RIMS2: variants seen among roughly 807,000 people sequenced by gnomAD.
RIMS2 encodes regulating synaptic membrane exocytosis protein 2.
A neutral mutation model predicts 174.4 loss-of-function variants in RIMS2; 59 were observed. The observed-to-expected ratio is 0.34, with a 90% CI of 0.27 to 0.42. The LOEUF is 0.42. Ranked by LOEUF, RIMS2 falls within the 10% of genes least tolerant of loss-of-function variation. The pLI, the probability that RIMS2 is intolerant of heterozygous loss-of-function variation, is 1.00. For missense variants in RIMS2, 1,620 were observed against 1,666.3 expected, an observed-to-expected ratio of 0.97 and a Z score of 0.48; for synonymous variants, 606 against 572.5, an observed-to-expected ratio of 1.06 and a Z score of -0.84.
chr8:104,047,789 A>G (rs1032823863), intron 19 of RIMS2, among the ~76,000 whole-genome samples: 1 of 152,108 alleles, frequency 6.6e-6, no homozygotes. Flanking sequence ...GATAACTGAC[A>G]AGCAAATCTA....
intron 17 of RIMS2, among the ~76,000 whole-genome samples, chr8:104,003,080 T>C (rs2095448228): frequency 6.6e-6 from 1 of 152,170 alleles, no homozygotes; most frequent in Admixed American, 6.6e-5. Flanking sequence ...TTTTAACATT[T>C]ACCTTTGTAC....
intron 1 of RIMS2, among the ~76,000 whole-genome samples, chr8:103,581,192 A>C (rs1486611850): frequency 1.3e-5 from 2 of 152,134 alleles, no homozygotes; most frequent in Non-Finnish European, 2.9e-5. Context: ...AGGACACAAC[A>C]AAATAAGAAG....
chr8:103,593,192 T>A (rs2094338301), intron 1 of RIMS2, among the ~76,000 whole-genome samples: 1 of 151,460 alleles, frequency 6.6e-6, no homozygotes, highest in Admixed American at 6.6e-5. Context: ...CTACCATGAA[T>A]GTGACAGTAT....
At chr8:103,750,696 G>A (rs1182633181) in intron 2 of RIMS2, among the ~76,000 whole-genome samples, 3 of 152,070 alleles carry the variant, frequency 2.0e-5, no homozygotes, top group East Asian at 1.9e-4. Context: ...ATAGGTGTCT[G>A]TTTTATAAGA....
chr8:103,901,874 G>A (rs1349855751), intron 4 of RIMS2, among the ~76,000 whole-genome samples: 2 of 152,148 alleles, frequency 1.3e-5, no homozygotes, highest in African/African-American at 4.8e-5. Flanking sequence ...CTGACATTTT[G>A]GTTTGGTTCC....
At chr8:104,069,294 G>C (rs565892051) in intron 19 of RIMS2, among the ~76,000 whole-genome samples, 1 of 152,238 alleles carries the variant, frequency 6.6e-6, no homozygotes, top group South Asian at 2.1e-4. Context: ...CTTACAGTGG[G>C]TTCATTGGGA....
chr8:103,769,038 G>T, intron 3 of RIMS2: 2 of 298,448 alleles, frequency 6.7e-6, no homozygotes, highest in South Asian at 4.2e-5. Context: ...AAGATTTTTT[G>T]AATAACAAAT....
chr8:103,810,278 G>T (rs572235223), intron 3 of RIMS2, among the ~76,000 whole-genome samples: 1 of 152,078 alleles, frequency 6.6e-6, no homozygotes, highest in Non-Finnish European at 1.5e-5. Context: ...GGCCTCCTGG[G>T]CTATGCTGAC....
intron 2 of RIMS2, among the ~76,000 whole-genome samples, chr8:103,728,070 A>G (rs1210011001): frequency 6.6e-6 from 1 of 152,158 alleles, no homozygotes; most frequent in East Asian, 1.9e-4. Context: ...GTCCATGAAC[A>G]TGGAATATCT....
chr8:103,728,619 T>G (rs28515901), intron 2 of RIMS2, among the ~76,000 whole-genome samples: 9,175 of 151,958 alleles, frequency 0.06, 915 homozygotes, highest in African/African-American at 0.21. Flanking sequence ...ACCCTTTTTT[T>G]GGGGGATGTA....
intron 19 of RIMS2, among the ~76,000 whole-genome samples, chr8:104,085,389 A>G (rs187130070): frequency 4.1e-4 from 63 of 152,362 alleles, no homozygotes; most frequent in Middle Eastern, 3.4e-3. Flanking sequence ...AATCAGATAC[A>G]TAGTAGCTCT....
At chr8:104,007,847 A>T (rs1457945357) in intron 17 of RIMS2, among the ~76,000 whole-genome samples, 1 of 152,144 alleles carries the variant, frequency 6.6e-6, no homozygotes, top group Non-Finnish European at 1.5e-5. Flanking sequence ...GGAGCATTAA[A>T]CAACCTTCAG....
chr8:103,605,437 T>C (rs1038082205), intron 1 of RIMS2, among the ~76,000 whole-genome samples: 12 of 145,298 alleles, frequency 8.3e-5, no homozygotes, highest in African/African-American at 3.2e-4. Context: ...TCAATATTCA[T>C]CAAGGGTATT....
intron 2 of RIMS2, among the ~76,000 whole-genome samples, chr8:103,739,938 G>T: frequency 6.6e-6 from 1 of 152,168 alleles, no homozygotes; most frequent in Non-Finnish European, 1.5e-5. Flanking sequence ...CTTGGGGTCT[G>T]TTTCACTTTT....
At chr8:103,657,533 C>T (rs956545341) in intron 1 of RIMS2, among the ~76,000 whole-genome samples, 1 of 152,094 alleles carries the variant, frequency 6.6e-6, no homozygotes, top group African/African-American at 2.4e-5. Flanking sequence ...AAAGATTTCC[C>T]AAAAGAATAG....
intron 19 of RIMS2, among the ~76,000 whole-genome samples, chr8:104,127,667 G>A (rs1424454710): frequency 2.0e-5 from 3 of 151,916 alleles, no homozygotes; most frequent in Admixed American, 6.6e-5. Flanking sequence ...GATTGTTTGA[G>A]GATTAAGTTA....
chr8:103,727,971 A>G (rs768292206), intron 2 of RIMS2, among the ~76,000 whole-genome samples: 1 of 152,048 alleles, frequency 6.6e-6, no homozygotes, highest in Non-Finnish European at 1.5e-5. Context: ...ATTTCTGTGA[A>G]GAATGTTACT....
At chr8:103,953,776 C>G (rs1273349996) in intron 14 of RIMS2, among the ~76,000 whole-genome samples, 1 of 152,062 alleles carries the variant, frequency 6.6e-6, no homozygotes, top group Non-Finnish European at 1.5e-5. Context: ...GTAAAACAGG[C>G]TAAATGCCCC....
Position 104,093,320 on chromosome 8 carries a change from A to G in RIMS2, c.3334+78705A>G, listed in dbSNP as rs907709422. Reference sequence around the variant, plus strand: ...ATAAATTGAATTTTTCTTTTAGGATAATTGCCATTCACTTTTGTTTTATAT... The same window carrying G: ...ATAAATTGAATTTTTCTTTTAGGATGATTGCCATTCACTTTTGTTTTATAT... On this transcript the variant is annotated intron_variant, in intron 19 of 23. Coordinates refer to ENST00000504942, the Ensembl canonical transcript of RIMS2. 272 of 529,822 alleles carry G rather than the reference A, an allele frequency of 5.1e-4. 1 individual carries two copies. Among genetic ancestry groups the G allele is most frequent in the Non-Finnish European group, 4.3e-5 (13 of 303,698 alleles). The allele number at this position is 529,822 out of a possible 1,614,324, so 32.8% of individuals were successfully genotyped here.
Sources: allele counts gnomAD v4.1 joint callset (sites outside exome capture counted in the v4.1 genomes callset), GRCh38; gene constraint gnomAD v4.1.1; transcripts MANE v1.5; gene names NCBI Gene and HGNC (gene_info 2026-07-23, HGNC 2026-07-21).